ESCO1: variants seen among roughly 807,000 people sequenced by gnomAD.
The protein encoded by ESCO1 is establishment of sister chromatid cohesion N-acetyltransferase 1, also known as N-acetyltransferase ESCO1.
ESCO1 carries 33 observed loss-of-function variants against 83.5 expected under a neutral mutation model. The ratio of observed to expected loss-of-function variants is 0.40; its 90% CI spans 0.30 to 0.53. The LOEUF (loss-of-function observed/expected upper bound fraction) is 0.53. ESCO1 is among the 20% of genes least tolerant of loss of function. ESCO1 has a pLI of 0.63. For missense variants in ESCO1, 855 were observed against 968.0 expected (o/e 0.88, Z 1.55); for synonymous variants, 332 against 324.3 (o/e 1.02, Z -0.25).
rs2038403551 is a variant in ESCO1 at position 21,575,214 on chromosome 18, G to T, written c.-371C>A. 1 of 383,242 alleles carries T rather than the reference G, an allele frequency of 2.6e-6. No individual in the cohort carries two copies. The highest frequency in any genetic ancestry group is 4.5e-5 in the Admixed American group (1 of 22,244). The allele number at this position is 383,242 out of a possible 1,614,324, so 23.7% of individuals were successfully genotyped here. A position where few individuals can be genotyped will look rare whatever the true frequency, so the allele number is the denominator to read the frequency against. ...GGTTTCAGGCCTAGCTCTATTACTG[G>T]AGGAGTTATTTATCAGTGACCTGTT... On this transcript the variant is annotated 5_prime_UTR_variant, in exon 4 of 12. Coordinates refer to ENST00000269214, the MANE Select transcript of ESCO1 (RefSeq NM_052911.3).
chr18:21,591,676 A>G (rs998769571), intron 1 of ESCO1, among the ~76,000 whole-genome samples: 2 of 119,114 alleles, frequency 1.7e-5, no homozygotes, highest in African/African-American at 5.5e-5. Flanking sequence ...TTTTTTTTTT[A>G]ATTTTTATTT....
chr18:21,583,710 G>A (rs2038535335), intron 2 of ESCO1, among the ~76,000 whole-genome samples: 1 of 152,132 alleles, frequency 6.6e-6, no homozygotes, highest in African/African-American at 2.4e-5. Context: ...AAGCAGCTCA[G>A]TCATTGCCTG....
chr18:21,552,569 C>G (rs2038059654), intron 8 of ESCO1, among the ~76,000 whole-genome samples: 1 of 152,200 alleles, frequency 6.6e-6, no homozygotes. Context: ...AAACCTCTCT[C>G]CTTTATAAAT....
intron 1 of ESCO1, among the ~76,000 whole-genome samples, chr18:21,597,511 T>G (rs2038783680): frequency 6.6e-6 from 1 of 151,562 alleles, no homozygotes; most frequent in Admixed American, 6.6e-5. Flanking sequence ...AAAAAAAAAT[T>G]TAATTAAAAT....
intron 1 of ESCO1, among the ~76,000 whole-genome samples, chr18:21,587,773 C>CA (rs1187149978): frequency 6.6e-6 from 1 of 151,880 alleles, no homozygotes; most frequent in East Asian, 1.9e-4. Context: ...CCTATCTCTA[C>CA]AAAAAATAAA....
intron 8 of ESCO1, among the ~76,000 whole-genome samples, chr18:21,558,395 C>G (rs1053682504): frequency 7.9e-5 from 12 of 151,748 alleles, no homozygotes; most frequent in Non-Finnish European, 1.6e-4. Flanking sequence ...AATTTTTACC[C>G]AAAGAAAAAG....
intron 10 of ESCO1, among the ~76,000 whole-genome samples, chr18:21,535,185 A>T (rs771309990): frequency 3.9e-5 from 6 of 152,128 alleles, no homozygotes; most frequent in African/African-American, 1.4e-4. Context: ...TCCAACATGG[A>T]AACTTCCAAA....
At chr18:21,564,089 AT>A (rs2038225997) in intron 7 of ESCO1, 113 bp downstream of exon 7, 2 of 723,186 alleles carry the variant, frequency 2.8e-6, no homozygotes, top group Non-Finnish European at 4.6e-6. Flanking sequence ...CACAAGCCAA[AT>A]AAACCTCTTT....
At chr18:21,579,151 C>A (rs946693401) in intron 2 of ESCO1, among the ~76,000 whole-genome samples, 1 of 152,022 alleles carries the variant, frequency 6.6e-6, no homozygotes, top group African/African-American at 2.4e-5. Flanking sequence ...TGAGCCACTG[C>A]GCCTGGCCTT....
intron 8 of ESCO1, among the ~76,000 whole-genome samples, chr18:21,556,158 G>A (rs565417093): frequency 6.6e-6 from 1 of 151,232 alleles, no homozygotes; most frequent in South Asian, 2.1e-4. Context: ...GGAGGCTGAG[G>A]TGGGAGGATT....
rs757571541 is a variant in ESCO1 at position 21,554,734 on chromosome 18, C to A, written c.1953+6125G>T. ...AACTAGTCTGGCCAACACAGTGAAA[C>A]CCCATCTCTACTAAAAATACAAAAC... is the stretch of plus-strand genomic sequence containing the variant. On this transcript the variant is annotated intron_variant, in intron 8 of 11. Transcript: ENST00000269214. Among the ~76,000 whole-genome samples the A allele has an allele frequency of 2.0e-3, 311 of 152,204 alleles. 3 individuals carry two copies. The highest frequency in any genetic ancestry group is 3.1e-3 in the Non-Finnish European group (212 of 68,018).
At chr18:21,535,563 C>A (rs1598975569) in intron 10 of ESCO1, among the ~76,000 whole-genome samples, 1 of 151,968 alleles carries the variant, frequency 6.6e-6, no homozygotes, top group Non-Finnish European at 1.5e-5. Flanking sequence ...TTTGTATTTT[C>A]AGTAGAGAAA....
intron 8 of ESCO1, among the ~76,000 whole-genome samples, chr18:21,541,597 A>T: frequency 6.7e-6 from 1 of 149,736 alleles, no homozygotes; most frequent in Non-Finnish European, 1.5e-5. Flanking sequence ...TGTCCCAAAA[A>T]AAAAAAAAAA....
intron 1 of ESCO1, among the ~76,000 whole-genome samples, chr18:21,592,596 C>T (rs1373071376): frequency 6.8e-6 from 1 of 146,546 alleles, no homozygotes; most frequent in Non-Finnish European, 1.5e-5. Context: ...GCTGGTGGGG[C>T]GGGAGGCTGA....
chr18:21,594,565 G>T (rs1400149719), intron 1 of ESCO1, among the ~76,000 whole-genome samples: 3 of 152,086 alleles, frequency 2.0e-5, no homozygotes, highest in African/African-American at 7.2e-5. Context: ...TTAGCCAGGC[G>T]TGGTGGTGGG....
chr18:21,563,718 T>C (rs1468637705), intron 7 of ESCO1, among the ~76,000 whole-genome samples: 2 of 152,212 alleles, frequency 1.3e-5, no homozygotes, highest in African/African-American at 4.8e-5. Context: ...GAATTTATTC[T>C]TTAAAACCTT....
At chr18:21,599,301 C>A (rs2038807771) in intron 1 of ESCO1, among the ~76,000 whole-genome samples, 1 of 152,212 alleles carries the variant, frequency 6.6e-6, no homozygotes, top group South Asian at 2.1e-4. Flanking sequence ...AGTGATTACA[C>A]CACTGCAATC....
At chr18:21,552,467 C>T (rs1306276667) in intron 8 of ESCO1, among the ~76,000 whole-genome samples, 1 of 152,164 alleles carries the variant, frequency 6.6e-6, no homozygotes, top group Non-Finnish European at 1.5e-5. Context: ...TCTCTCCTGA[C>T]ACCATGTGAA....
At chr18:21,542,703 T>C (rs577485040) in intron 8 of ESCO1, among the ~76,000 whole-genome samples, 1 of 152,332 alleles carries the variant, frequency 6.6e-6, no homozygotes, top group Admixed American at 6.5e-5. Flanking sequence ...ATTCAAATCA[T>C]AGGCAAATAA....
Sources: gnomAD v4.1 joint callset for allele counts (sites outside exome capture counted in the v4.1 genomes callset) on GRCh38, gnomAD v4.1.1 for gene constraint, MANE v1.5 for transcripts, NCBI Gene and HGNC (gene_info 2026-07-23, HGNC 2026-07-21) for gene names.